FGF9: variants seen among roughly 807,000 people sequenced by gnomAD.
FGF9 encodes the protein fibroblast growth factor 9 (glia-activating factor).
A neutral mutation model predicts 19.9 loss-of-function variants in FGF9; 3 were observed. That is an observed-to-expected ratio of 0.15 (90% CI 0.07 to 0.39). FGF9 has a LOEUF of 0.39. Among genes scored for constraint, FGF9 ranks in the 10% least tolerant of loss-of-function variants. The pLI, the probability that FGF9 is intolerant of heterozygous loss-of-function variation, is 1.00. For missense variants in FGF9, 175 were observed against 256.8 expected, an observed-to-expected ratio of 0.68 and a Z score of 2.18; for synonymous variants, 107 against 106.9, an observed-to-expected ratio of 1.00 and a Z score of -0.01.
intron 1 of FGF9, chr13:21,674,221 C>G (rs1487925283): frequency 6.6e-6 from 1 of 152,544 alleles, no homozygotes; most frequent in African/African-American, 2.4e-5. Flanking sequence ...AGGTCGGACC[C>G]CTGAGCTCCC....
At chr13:21,687,240 G>C (rs1316963144) in intron 2 of FGF9, among the ~76,000 whole-genome samples, 1 of 152,148 alleles carries the variant, frequency 6.6e-6, no homozygotes, top group Non-Finnish European at 1.5e-5. Context: ...CCATATTGTG[G>C]GGCAGGTGGC....
chr13:21,674,198 G>A (rs1871844655), intron 1 of FGF9: 1 of 153,168 alleles, frequency 6.5e-6, no homozygotes, highest in Non-Finnish European at 1.5e-5. Flanking sequence ...GGCGGGGACA[G>A]AGGACGGGCT....
In FGF9 at chr13:21,671,788, C is replaced by CT. The variant is rs10624265; in HGVS notation, c.-117dup. The CT allele has an allele frequency of 0.057, 60,072 of 1,060,496 alleles. 3,673 individuals carry two copies. Among genetic ancestry groups the CT allele is most frequent in the African/African-American group, 0.28 (18,071 of 63,614 alleles). 65.7% of individuals were successfully genotyped at this position (1,060,496 alleles called of 1,614,324 possible). ...CATTTAATGGATTGAAGAAAAGAAC[C>CT]TTTTTTTTCTCTCTCTCTCTGCAAC... On this transcript the variant is annotated 5_prime_UTR_variant, in exon 1 of 3. Coordinates refer to ENST00000382353, the MANE Select transcript of FGF9 (RefSeq NM_002010.3).
rs886050052 is a variant in FGF9, at chr13:21,701,870, C to T, written c.*435C>T. 2.6e-4 allele frequency: 48 copies of T among 181,576 alleles called. No homozygotes were observed. The highest frequency in any genetic ancestry group is 4.0e-4 in the Non-Finnish European group (34 of 85,234). The allele number at this position is 181,576 out of a possible 1,614,324, so 11.2% of individuals were successfully genotyped here. A position where few individuals can be genotyped will look rare whatever the true frequency, so the allele number is the denominator to read the frequency against. On this transcript the variant is annotated 3_prime_UTR_variant, in exon 3 of 3. Coordinates refer to ENST00000382353, the MANE Select transcript of FGF9 (RefSeq NM_002010.3). ...CTATATCAGCACAGCTGCCATACTTCGACTTATCAGGATTCTGGCTGGTGG... is the reference window on the plus strand; with the variant it reads ...CTATATCAGCACAGCTGCCATACTTTGACTTATCAGGATTCTGGCTGGTGG...
At chr13:21,698,104 G>A (rs1015106261) in intron 2 of FGF9, among the ~76,000 whole-genome samples, 29 of 152,142 alleles carry the variant, frequency 1.9e-4, no homozygotes, top group Admixed American at 1.2e-3. Context: ...CACTGCGCCC[G>A]GCCCCCACGT....
intron 1 of FGF9, among the ~76,000 whole-genome samples, chr13:21,679,471 A>G (rs1365268766): frequency 6.6e-6 from 1 of 152,178 alleles, no homozygotes; most frequent in Admixed American, 6.5e-5. Flanking sequence ...TGACTATAGC[A>G]CATTGTTACC....
At chr13:21,677,025 C>G (rs917329306) in intron 1 of FGF9, among the ~76,000 whole-genome samples, 1 of 152,214 alleles carries the variant, frequency 6.6e-6, no homozygotes, top group Non-Finnish European at 1.5e-5. Flanking sequence ...GACCTGGTCT[C>G]TCATGGACCA....
At chr13:21,687,573 C>A (rs763753252) in intron 2 of FGF9, among the ~76,000 whole-genome samples, 58 of 152,300 alleles carry the variant, frequency 3.8e-4, no homozygotes, top group Non-Finnish European at 6.2e-4. Context: ...GTAAATCCAG[C>A]CTTGGCGCTT....
At chr13:21,690,935 A>T (rs1195373488) in intron 2 of FGF9, among the ~76,000 whole-genome samples, 1 of 152,224 alleles carries the variant, frequency 6.6e-6, no homozygotes, top group African/African-American at 2.4e-5. Flanking sequence ...TGTGTTAGAG[A>T]AGCCGCTGGT....
At chr13:21,674,729 A>T (rs1871865345) in intron 1 of FGF9, among the ~76,000 whole-genome samples, 1 of 149,260 alleles carries the variant, frequency 6.7e-6, no homozygotes, top group African/African-American at 2.5e-5. Flanking sequence ...TGATGCAGTC[A>T]CCTTTAGGAT....
Position 21,671,234 on chromosome 13 carries a change from A to G in FGF9, c.-679A>G, listed in dbSNP as rs1476878089. The G allele has an allele frequency of 9.0e-6, 2 of 221,256 alleles. No homozygotes were observed. The highest frequency in any genetic ancestry group is 2.3e-5 in the African/African-American group (1 of 44,208). The allele number at this position is 221,256 out of a possible 1,614,324, so 13.7% of individuals were successfully genotyped here. A position where few individuals can be genotyped will look rare whatever the true frequency, so the allele number is the denominator to read the frequency against. The stretch of plus-strand genomic sequence containing the variant: ...GCCGCTCGCCACCCGTTCTAAGCCA[A>G]TGGACATCTGCCGAGCCTCTGGAGA... On this transcript the variant is annotated 5_prime_UTR_variant, in exon 1 of 3. It removes an upstream start codon present in the reference 5' UTR. Coordinates refer to ENST00000382353, the MANE Select transcript of FGF9 (RefSeq NM_002010.3).
chr13:21,692,250 T>TCTCCCTCCCCACTTTGCTTC (rs1348193856), intron 2 of FGF9, among the ~76,000 whole-genome samples: 5 of 152,220 alleles, frequency 3.3e-5, no homozygotes, highest in Non-Finnish European at 7.3e-5. Flanking sequence ...TTCCTTTCTT[T>TCTCCCTCCCCACTTTGCTTC]CTCCCTCCCC....
chr13:21,682,286 G>A (rs551809883), intron 2 of FGF9, among the ~76,000 whole-genome samples: 14 of 151,884 alleles, frequency 9.2e-5, no homozygotes, highest in African/African-American at 3.1e-4. Flanking sequence ...GTAACTTATC[G>A]TTGCAATTAC....
At position 21,693,311 on chromosome 13, in the gene FGF9, A is replaced by C. The variant is rs576090170; in HGVS notation, c.382-7879A>C. Reference sequence around the variant, plus strand: ...AGGAGTTGGGGCCCAAGGAGTGGGGAGGGTGCCAGGGACAGCCTCATCTCC... The same window carrying C: ...AGGAGTTGGGGCCCAAGGAGTGGGGCGGGTGCCAGGGACAGCCTCATCTCC... On this transcript the variant is annotated intron_variant, in intron 2 of 2. Transcript: ENST00000382353. Among the ~76,000 whole-genome samples, 51 of 151,948 alleles carry C rather than the reference A, an allele frequency of 3.4e-4. No individual in the cohort carries two copies. In the Middle Eastern group the frequency reaches 0.017, roughly 51 times the overall value.
intron 1 of FGF9, chr13:21,674,303 C>T (rs1871847090): frequency 1.2e-5 from 1 of 82,142 alleles, no homozygotes; most frequent in South Asian, 4.1e-4. Context: ...CCGTGGTGCC[C>T]GGGAGGTGGG....
In FGF9 at chr13:21,703,717, G is replaced by T. The variant is rs953842827; in HGVS notation, c.*2282G>T. ...TAGGATGTCATAGGTATACTATGTA[G>T]CACTGAAAAAATTGATTTTAGGTGA... On this transcript the variant is annotated 3_prime_UTR_variant, in exon 3 of 3. Coordinates refer to ENST00000382353, the MANE Select transcript of FGF9 (RefSeq NM_002010.3). 6.6e-6 allele frequency: 1 copy of T among 151,940 alleles called. No homozygotes were observed. Among genetic ancestry groups the T allele is most frequent in the Non-Finnish European group, 1.5e-5 (1 of 67,998 alleles). 9.4% of individuals were successfully genotyped at this position (151,940 alleles called of 1,614,324 possible).
chr13:21,690,368 C>T (rs1352506830), intron 2 of FGF9, among the ~76,000 whole-genome samples: 1 of 152,162 alleles, frequency 6.6e-6, no homozygotes, highest in Non-Finnish European at 1.5e-5. Flanking sequence ...CTCTTCCATT[C>T]ACAGACATAC....
In FGF9 at chr13:21,682,181, A is replaced by T. The variant is rs542312414; in HGVS notation, c.381+1036A>T. On this transcript the variant is annotated intron_variant, in intron 2 of 2. Transcript: ENST00000382353. The stretch of plus-strand genomic sequence containing the variant: ...GCATCACCACACGTAGTTAACGAAA[A>T]TTTTTTTTTTTTGTAGAGACAAGGT... 4.7e-4 allele frequency among the ~76,000 whole-genome samples: 68 copies of T among 145,388 alleles called. 1 individual carries two copies. The highest frequency in any genetic ancestry group is 8.7e-4 in the South Asian group (4 of 4,608).
chr13:21,694,994 T>G (rs2138145059), intron 2 of FGF9, among the ~76,000 whole-genome samples: 1 of 152,278 alleles, frequency 6.6e-6, no homozygotes, highest in Non-Finnish European at 1.5e-5. Flanking sequence ...TCCTGTGGTA[T>G]ATTTGGCAGG....
Sources: gnomAD v4.1 joint callset for allele counts (sites outside exome capture counted in the v4.1 genomes callset) on GRCh38, gnomAD v4.1.1 for gene constraint, MANE v1.5 for transcripts, NCBI Gene and HGNC (gene_info 2026-07-23, HGNC 2026-07-21) for gene names.